The following ST6GALNAC5 variants were observed in gnomAD, a reference collection of about 807,000 sequenced individuals.
The protein encoded by ST6GALNAC5 is ST6 N-acetylgalactosaminide alpha-2,6-sialyltransferase 5, also known as alpha-N-acetylgalactosaminide alpha-2,6-sialyltransferase 5.
In ST6GALNAC5, 27 loss-of-function variants were observed where a neutral mutation model predicts 33.6. The ratio of observed to expected loss-of-function variants is 0.80; its 90% CI spans 0.59 to 1.11. The LOEUF (loss-of-function observed/expected upper bound fraction) is 1.11, where lower values mean the gene tolerates loss of function less well. ST6GALNAC5 is among the 50% of genes least tolerant of loss of function. The pLI, the probability that ST6GALNAC5 is intolerant of heterozygous loss-of-function variation, is 0.00. For synonymous variants in ST6GALNAC5, 194 were observed against 171.2 expected, an observed-to-expected ratio of 1.13 and a Z score of -1.04; for missense variants, 428 against 454.0, an observed-to-expected ratio of 0.94 and a Z score of 0.52.
chr1:76,967,238 T>C (rs1039409435), intron 2 of ST6GALNAC5, among the ~76,000 whole-genome samples: 3 of 152,202 alleles, frequency 2.0e-5, no homozygotes, highest in Admixed American at 6.5e-5. Context: ...GGACTTTTTT[T>C]GGTTGGAAGG....
At chr1:76,960,474 G>A (rs989952562) in intron 2 of ST6GALNAC5, among the ~76,000 whole-genome samples, 6 of 152,244 alleles carry the variant, frequency 3.9e-5, no homozygotes, top group East Asian at 1.9e-4. Context: ...TTTTGGGCAC[G>A]CATTGTCATT....
intron 3 of ST6GALNAC5, among the ~76,000 whole-genome samples, chr1:77,046,261 TTAAA>T: frequency 6.6e-6 from 1 of 152,298 alleles, no homozygotes. Flanking sequence ...AAAAATTGTT[TTAAA>T]TAAAGTGATA....
At chr1:77,044,714 G>T in intron 3 of ST6GALNAC5, 101 bp downstream of exon 3, 1 of 1,378,184 alleles carries the variant, frequency 7.3e-7, no homozygotes, top group South Asian at 1.5e-5. Context: ...TTTGTTGTGG[G>T]CTCCACTGCT....
intron 2 of ST6GALNAC5, among the ~76,000 whole-genome samples, chr1:76,962,080 C>A (rs2100351467): frequency 6.6e-6 from 1 of 152,252 alleles, no homozygotes; most frequent in South Asian, 2.1e-4. Context: ...GGCAGATAAA[C>A]AGTTGGCTGA....
chr1:76,987,989 C>T (rs983309511), intron 2 of ST6GALNAC5, among the ~76,000 whole-genome samples: 4 of 152,046 alleles, frequency 2.6e-5, no homozygotes, highest in Non-Finnish European at 5.9e-5. Flanking sequence ...GATTTCTCTT[C>T]TTCCTTAGAA....
intron 2 of ST6GALNAC5, among the ~76,000 whole-genome samples, chr1:76,973,627 C>G (rs567898257): frequency 7.0e-4 from 107 of 152,220 alleles, no homozygotes; most frequent in African/African-American, 2.6e-3. Context: ...CTATCACACA[C>G]CCTTTATGGC....
intron 2 of ST6GALNAC5, among the ~76,000 whole-genome samples, chr1:76,999,952 C>T (rs1341868208): frequency 3.5e-5 from 4 of 114,786 alleles, no homozygotes; most frequent in African/African-American, 8.0e-5. Flanking sequence ...AATAAACATA[C>T]GTGTGCATGT....
At chr1:77,031,059 C>T (rs1651432884) in intron 2 of ST6GALNAC5, among the ~76,000 whole-genome samples, 1 of 152,204 alleles carries the variant, frequency 6.6e-6, no homozygotes, top group Non-Finnish European at 1.5e-5. Context: ...TTTTTCACTG[C>T]TACAGAGTAA....
At chr1:77,051,370 G>C (rs887966876) in intron 4 of ST6GALNAC5, among the ~76,000 whole-genome samples, 6 of 152,158 alleles carry the variant, frequency 3.9e-5, no homozygotes, top group African/African-American at 1.2e-4. Flanking sequence ...CCGCAAAGGA[G>C]GAGAGAGAGG....
intron 2 of ST6GALNAC5, among the ~76,000 whole-genome samples, chr1:77,004,737 G>C (rs1174539189): frequency 8.2e-6 from 1 of 122,696 alleles, no homozygotes; most frequent in East Asian, 2.7e-4. Context: ...CAGGTCTGTT[G>C]GAATACCCTG....
chr1:77,019,146 C>A (rs1458282102), intron 2 of ST6GALNAC5, among the ~76,000 whole-genome samples: 3 of 152,162 alleles, frequency 2.0e-5, no homozygotes, highest in Non-Finnish European at 4.4e-5. Flanking sequence ...GGGGGAGATA[C>A]CCCTGGATCT....
intron 2 of ST6GALNAC5, among the ~76,000 whole-genome samples, chr1:76,881,575 T>A (rs1197452380): frequency 1.3e-5 from 2 of 152,178 alleles, no homozygotes; most frequent in African/African-American, 4.8e-5. Flanking sequence ...TTTTTTTCTC[T>A]CTTTTTCTGT....
chr1:76,927,096 T>C (rs1647093554), intron 2 of ST6GALNAC5, among the ~76,000 whole-genome samples: 1 of 152,146 alleles, frequency 6.6e-6, no homozygotes, highest in African/African-American at 2.4e-5. Context: ...CCCAATTTGT[T>C]ATTTGTCTTT....
chr1:77,010,107 G>A (rs1557759684), intron 2 of ST6GALNAC5, among the ~76,000 whole-genome samples: 1 of 152,164 alleles, frequency 6.6e-6, no homozygotes. Context: ...GATTTACTGT[G>A]TCTGTCTTAT....
intron 2 of ST6GALNAC5, among the ~76,000 whole-genome samples, chr1:76,912,860 G>A (rs918614127): frequency 2.0e-5 from 3 of 152,082 alleles, no homozygotes; most frequent in African/African-American, 7.2e-5. Context: ...GATGGCTCTT[G>A]ACTCTTTATC....
chr1:76,948,584 G>GAACAGAGA (rs1647616255), intron 2 of ST6GALNAC5, among the ~76,000 whole-genome samples: 1 of 51,772 alleles, frequency 1.9e-5, no homozygotes, highest in Non-Finnish European at 4.6e-5. Flanking sequence ...ATGGGAGTGG[G>GAACAGAGA]GACAGAGAGA....
rs567590903 is a variant in ST6GALNAC5, at chr1:76,934,330, A to C, written c.261+65588A>C. Among the ~76,000 whole-genome samples, 3 of 152,192 alleles carry C rather than the reference A, an allele frequency of 2.0e-5. No homozygotes were observed. In the East Asian group the frequency reaches 5.8e-4, roughly 30 times the overall value. ...TTACAATTGTATTTCTCTTAGTAGA[A>C]TAGAAAGGCTGTGTTTCAGAGGGGA... On this transcript the variant is annotated intron_variant, in intron 2 of 4. Transcript: ENST00000477717.
At chr1:77,058,176 G>T (rs1033324561) in intron 4 of ST6GALNAC5, among the ~76,000 whole-genome samples, 5 of 152,246 alleles carry the variant, frequency 3.3e-5, no homozygotes, top group Non-Finnish European at 2.9e-5. Flanking sequence ...GTCAACTGGA[G>T]TCAACTGGCT....
Position 76,868,354 on chromosome 1 carries a change from C to A in ST6GALNAC5, c.16-143C>A. The A allele has an allele frequency of 3.1e-6, 4 of 1,279,376 alleles. No individual in the cohort carries two copies. Among genetic ancestry groups the A allele is most frequent in the Non-Finnish European group, 1.0e-6 (1 of 954,628 alleles). The allele number at this position is 1,279,376 out of a possible 1,614,324, so 79.3% of individuals were successfully genotyped here. ...CTAGGGGACGGTGCTTTCTCTGTCC[C>A]AGTTGCGTGCGGCGGGGCTGGGGCC... On this transcript the variant is annotated intron_variant, in intron 1 of 4. Transcript: ENST00000477717. The surrounding 1 kb of genome is among the most constrained non-coding windows in gnomAD (Gnocchi z 4.3).
Sources: allele counts gnomAD v4.1 joint callset (sites outside exome capture counted in the v4.1 genomes callset), GRCh38; gene constraint gnomAD v4.1.1; non-coding constraint Gnocchi (gnomAD v3.1); transcripts MANE v1.5; gene names NCBI Gene and HGNC (gene_info 2026-07-23, HGNC 2026-07-21).